The following IPCEF1 variants were observed in gnomAD, a reference collection of about 807,000 sequenced individuals.
IPCEF1 encodes the protein interaction protein for cytohesin exchange factors 1, also known as interactor protein for cytohesin exchange factors 1.
Under a neutral mutation model 50.9 loss-of-function variants are expected in IPCEF1, and 31 were observed. The ratio of observed to expected loss-of-function variants is 0.61; its 90% CI spans 0.46 to 0.82. IPCEF1 has a LOEUF of 0.82. IPCEF1 is among the 40% of genes least tolerant of loss of function. The pLI is 0.00. For missense variants in IPCEF1, 458 were observed against 514.0 expected, an observed-to-expected ratio of 0.89 and a Z score of 1.05; for synonymous variants, 181 against 192.0, an observed-to-expected ratio of 0.94 and a Z score of 0.47.
intron 1 of IPCEF1, among the ~76,000 whole-genome samples, chr6:154,337,042 G>A (rs980171531): frequency 6.6e-6 from 1 of 152,094 alleles, no homozygotes; most frequent in Non-Finnish European, 1.5e-5. Context: ...TGGAAGTGAT[G>A]GAAACCTTAA....
intron 2 of IPCEF1, among the ~76,000 whole-genome samples, chr6:154,285,989 A>G (rs1252759417): frequency 6.6e-6 from 1 of 152,238 alleles, no homozygotes; most frequent in Non-Finnish European, 1.5e-5. Context: ...TTCACATAAA[A>G]CTTCACAATA....
At chr6:154,269,195 A>G (rs1299862630) in intron 2 of IPCEF1, among the ~76,000 whole-genome samples, 2 of 152,244 alleles carry the variant, frequency 1.3e-5, no homozygotes, top group Non-Finnish European at 1.5e-5. Flanking sequence ...AGTTTCCATA[A>G]AGGAAATCTA....
chr6:154,264,534 G>A (rs190269216), intron 3 of IPCEF1, among the ~76,000 whole-genome samples: 30 of 151,962 alleles, frequency 2.0e-4, no homozygotes, highest in Non-Finnish European at 3.8e-4. Context: ...CACCATGCCC[G>A]GCTAATTTTT....
chr6:154,221,502 A>G (rs1778854289), intron 6 of IPCEF1, among the ~76,000 whole-genome samples, 174 bp from the exon 7 acceptor site: 1 of 152,224 alleles, frequency 6.6e-6, no homozygotes, highest in Non-Finnish European at 1.5e-5. Flanking sequence ...TTTCATATAG[A>G]GAACTAAGAG....
At chr6:154,266,929 C>A (rs1478102008) in intron 2 of IPCEF1, among the ~76,000 whole-genome samples, 1 of 152,152 alleles carries the variant, frequency 6.6e-6, no homozygotes, top group Admixed American at 6.6e-5. Context: ...AGCTTTTCAA[C>A]TTCATCCCAG....
chr6:154,248,587 A>C (rs1322262385), intron 3 of IPCEF1, among the ~76,000 whole-genome samples: 1 of 152,118 alleles, frequency 6.6e-6, no homozygotes, highest in African/African-American at 2.4e-5. Flanking sequence ...TCTGATAGCT[A>C]TTGTATATGG....
At position 154,340,652 on chromosome 6, in the gene IPCEF1, G is replaced by A. The variant is rs953135135; in HGVS notation, c.-62+16020C>T. ...TGTAATCCCAGCACTTTGGGAGGCCGAGGTGGGCGGATTACCTGAGGTTGG... is the reference window on the plus strand; with the variant it reads ...TGTAATCCCAGCACTTTGGGAGGCCAAGGTGGGCGGATTACCTGAGGTTGG... On this transcript the variant is annotated intron_variant, in intron 1 of 11. Transcript: ENST00000367220. Among the ~76,000 whole-genome samples the A allele has an allele frequency of 3.9e-5, 6 of 152,100 alleles. 1 individual carries two copies. The South Asian group carries it at 1.0e-3, about 26-fold the overall frequency.
chr6:154,274,885 C>G (rs1218184580), intron 2 of IPCEF1, among the ~76,000 whole-genome samples: 1 of 152,216 alleles, frequency 6.6e-6, no homozygotes, highest in African/African-American at 2.4e-5. Context: ...GGACTTGTTT[C>G]TACAGAGTTG....
chr6:154,207,595 G>A (rs1313693810), intron 9 of IPCEF1, among the ~76,000 whole-genome samples: 1 of 151,950 alleles, frequency 6.6e-6, no homozygotes, highest in East Asian at 1.9e-4. Context: ...TAAAGACGGG[G>A]TTTCACCATG....
At chr6:154,326,187 A>G (rs1458144181) in intron 1 of IPCEF1, among the ~76,000 whole-genome samples, 4 of 151,144 alleles carry the variant, frequency 2.6e-5, no homozygotes, top group Non-Finnish European at 4.4e-5. Flanking sequence ...GCACCACTGC[A>G]TTCCAGCCTG....
chr6:154,339,039 T>A (rs1783849126), intron 1 of IPCEF1, among the ~76,000 whole-genome samples: 1 of 152,198 alleles, frequency 6.6e-6, no homozygotes, highest in African/African-American at 2.4e-5. Flanking sequence ...TAGCTTGTTA[T>A]TTCAATGTAA....
At chr6:154,188,256 T>C (rs545312795) in intron 10 of IPCEF1, among the ~76,000 whole-genome samples, 1 of 152,326 alleles carries the variant, frequency 6.6e-6, no homozygotes, top group African/African-American at 2.4e-5. Context: ...AAAAATAGCA[T>C]TTAAAACTAT....
chr6:154,227,322 C>A (rs1321596638), intron 5 of IPCEF1, among the ~76,000 whole-genome samples: 1 of 152,186 alleles, frequency 6.6e-6, no homozygotes, highest in Non-Finnish European at 1.5e-5. Context: ...CTAGACAACT[C>A]ATTTTCAGTA....
At chr6:154,216,436 C>A (rs1392487354) in intron 7 of IPCEF1, among the ~76,000 whole-genome samples, 3 of 144,706 alleles carry the variant, frequency 2.1e-5, no homozygotes, top group South Asian at 2.2e-4. Context: ...AAATGGAAAA[C>A]CCTAATATAC....
rs199542065 is a variant in IPCEF1 at position 154,328,643 on chromosome 6, T to C, written c.-62+28029A>G. 1.4e-4 allele frequency among the ~76,000 whole-genome samples: 22 copies of C among 152,274 alleles called. No individual in the cohort carries two copies. In the East Asian group the frequency reaches 3.7e-3, roughly 25 times the overall value. On this transcript the variant is annotated intron_variant, in intron 1 of 11. Coordinates refer to ENST00000367220, the MANE Select transcript of IPCEF1 (RefSeq NM_001130700.2). ...TCCTTCAATGGAGAACTTTTTTTGC[T>C]TAACTTTTTAATCTTTCTCTCTCTC...
intron 2 of IPCEF1, among the ~76,000 whole-genome samples, chr6:154,285,019 A>G: frequency 6.6e-6 from 1 of 152,118 alleles, no homozygotes; most frequent in East Asian, 1.9e-4. Context: ...GAAATCAGAG[A>G]ATCAGAGTTA....
At chr6:154,220,868 A>G (rs754634952) in intron 7 of IPCEF1, among the ~76,000 whole-genome samples, 1 of 152,250 alleles carries the variant, frequency 6.6e-6, no homozygotes, top group Admixed American at 6.5e-5. Flanking sequence ...GTGAATCATC[A>G]CGATAATCAC....
chr6:154,270,500 C>T (rs906238154), intron 2 of IPCEF1, among the ~76,000 whole-genome samples: 1 of 152,136 alleles, frequency 6.6e-6, no homozygotes, highest in Non-Finnish European at 1.5e-5. Flanking sequence ...TATCTAAGTA[C>T]TGCATATTCA....
intron 5 of IPCEF1, among the ~76,000 whole-genome samples, chr6:154,244,015 C>T (rs1283542255): frequency 6.6e-6 from 1 of 152,174 alleles, no homozygotes; most frequent in African/African-American, 2.4e-5. Flanking sequence ...CATTAGGCTA[C>T]TGAGGAAGTG....
Sources: allele counts gnomAD v4.1 joint callset (sites outside exome capture counted in the v4.1 genomes callset), GRCh38; gene constraint gnomAD v4.1.1; transcripts MANE v1.5; gene names NCBI Gene and HGNC (gene_info 2026-07-23, HGNC 2026-07-21).